Variants in CAMTA1 observed in about 807,000 individuals in gnomAD.
CAMTA1 encodes the protein calmodulin-binding transcription activator 1.
CAMTA1 carries 27 observed loss-of-function variants against 170.9 expected under a neutral mutation model. The observed-to-expected ratio is 0.16, with a 90% CI of 0.12 to 0.22. The LOEUF (loss-of-function observed/expected upper bound fraction) is 0.22. CAMTA1 is among the 10% of genes least tolerant of loss of function. CAMTA1 has a pLI of 1.00. For missense variants in CAMTA1, 1,619 were observed against 2,217.2 expected, an observed-to-expected ratio of 0.73 and a Z score of 5.42; for synonymous variants, 833 against 891.5, an observed-to-expected ratio of 0.93 and a Z score of 1.17.
intron 3 of CAMTA1, among the ~76,000 whole-genome samples, chr1:7,040,918 T>G (rs1704348961): frequency 6.6e-6 from 1 of 152,110 alleles, no homozygotes; most frequent in African/African-American, 2.4e-5. Flanking sequence ...GAGACTGGGT[T>G]TCACCATGTT....
chr1:7,245,213 A>C (rs1281098599), intron 4 of CAMTA1, among the ~76,000 whole-genome samples: 1 of 150,934 alleles, frequency 6.6e-6, no homozygotes, highest in African/African-American at 2.4e-5. Flanking sequence ...ATATATATAT[A>C]TATCACACAC....
intron 12 of CAMTA1, among the ~76,000 whole-genome samples, chr1:7,735,625 G>T (rs3135419): frequency 6.6e-6 from 1 of 151,958 alleles, no homozygotes; most frequent in African/African-American, 2.4e-5. Context: ...AAGACGAATC[G>T]GCATGAAGTT....
chr1:7,337,572 C>T (rs2083473388), intron 5 of CAMTA1, among the ~76,000 whole-genome samples: 1 of 151,518 alleles, frequency 6.6e-6, no homozygotes, highest in South Asian at 2.1e-4. Flanking sequence ...GGGCAGTGGG[C>T]CTCATCCAAT....
At chr1:7,434,877 CAAA>C (rs779722434) in intron 5 of CAMTA1, among the ~76,000 whole-genome samples, 2 of 83,458 alleles carry the variant, frequency 2.4e-5, no homozygotes. Flanking sequence ...CCTGTCTCTA[CAAA>C]AAAAAAAAAA....
chr1:7,618,218 A>G (rs1489610699), intron 6 of CAMTA1, among the ~76,000 whole-genome samples: 2 of 152,044 alleles, frequency 1.3e-5, no homozygotes, highest in East Asian at 3.9e-4. Context: ...CCATCTCCAT[A>G]TCTCTAGTGC....
At chr1:7,057,072 G>A (rs1707447006) in intron 3 of CAMTA1, among the ~76,000 whole-genome samples, 3 of 152,212 alleles carry the variant, frequency 2.0e-5, no homozygotes, top group African/African-American at 7.2e-5. Flanking sequence ...CTTCTCTCGG[G>A]TGGGGAGGAA....
intron 3 of CAMTA1, among the ~76,000 whole-genome samples, chr1:6,883,100 G>T (rs1672067699): frequency 6.6e-6 from 1 of 151,978 alleles, no homozygotes; most frequent in Non-Finnish European, 1.5e-5. Context: ...TGCTGGGTTG[G>T]CCAGGCTGGT....
chr1:6,879,787 AT>A lies in CAMTA1; in HGVS notation c.234+54595del, dbSNP rs760715822. Among the ~76,000 whole-genome samples, 929 of 129,992 alleles carry A rather than the reference AT, an allele frequency of 7.1e-3. 1 individual carries two copies. The highest frequency in any genetic ancestry group is 0.013 in the African/African-American group (467 of 35,564). The allele number at this position is 129,992 out of a possible 152,430, so 85.3% of individuals were successfully genotyped here. Reference sequence around the variant, plus strand: ...GGGACTACCTTTGCTGCTGCGCCTAATTTTTTTTTTTTTTTTTTGGCTTTGT... The same window carrying A: ...GGGACTACCTTTGCTGCTGCGCCTAATTTTTTTTTTTTTTTTTGGCTTTGT... On this transcript the variant is annotated intron_variant, in intron 3 of 22. Transcript: ENST00000303635.
intron 3 of CAMTA1, among the ~76,000 whole-genome samples, chr1:7,018,444 C>T (rs546339407): frequency 6.6e-6 from 1 of 152,170 alleles, no homozygotes; most frequent in Admixed American, 6.5e-5. Flanking sequence ...ATCATCTTTA[C>T]CCCCAGAAAG....
chr1:7,539,940 T>C (rs2094590112), intron 6 of CAMTA1, among the ~76,000 whole-genome samples: 1 of 152,218 alleles, frequency 6.6e-6, no homozygotes, highest in African/African-American at 2.4e-5. Context: ...CCCTTACTTT[T>C]GCATGGATCA....
chr1:7,703,051 A>C (rs1035910072), intron 11 of CAMTA1, among the ~76,000 whole-genome samples: 2 of 152,148 alleles, frequency 1.3e-5, no homozygotes, highest in Non-Finnish European at 2.9e-5. Context: ...TCCCGAGCCT[A>C]TGTGTCCCTG....
intron 3 of CAMTA1, among the ~76,000 whole-genome samples, chr1:6,902,099 G>A (rs982188420): frequency 3.2e-5 from 4 of 126,234 alleles, no homozygotes; most frequent in South Asian, 2.5e-4. Context: ...ATAAAAACTC[G>A]TACTGGCTTT....
intron 3 of CAMTA1, among the ~76,000 whole-genome samples, chr1:6,845,009 T>G (rs938735890): frequency 2.0e-5 from 3 of 151,796 alleles, no homozygotes; most frequent in African/African-American, 4.8e-5. Context: ...GCTGGAAAAA[T>G]GACAGTCTGG....
chr1:6,805,351 CT>C (rs1045041801), intron 1 of CAMTA1, among the ~76,000 whole-genome samples: 2 of 152,194 alleles, frequency 1.3e-5, no homozygotes, highest in African/African-American at 4.8e-5. Context: ...TTCAAATCCT[CT>C]TCCATTTTTG....
chr1:6,821,795 A>G (rs1478694007), intron 2 of CAMTA1, among the ~76,000 whole-genome samples: 1 of 152,192 alleles, frequency 6.6e-6, no homozygotes, highest in Non-Finnish European at 1.5e-5. Flanking sequence ...GGATTTGGCA[A>G]TGTGAATCTC....
chr1:7,392,301 G>A (rs2088807296), intron 5 of CAMTA1, among the ~76,000 whole-genome samples: 1 of 145,836 alleles, frequency 6.9e-6, no homozygotes, highest in East Asian at 2.2e-4. Context: ...TGTTACCCAG[G>A]CTGGAACGCA....
At chr1:7,522,928 G>A (rs2094384999) in intron 6 of CAMTA1, among the ~76,000 whole-genome samples, 2 of 152,196 alleles carry the variant, frequency 1.3e-5, no homozygotes, top group Admixed American at 1.3e-4. Context: ...GTGCAGTGGT[G>A]CAGTCTCAGC....
At chr1:7,541,972 GTTACACCCCAACAC>G (rs2094617676) in intron 6 of CAMTA1, among the ~76,000 whole-genome samples, 2 of 152,184 alleles carry the variant, frequency 1.3e-5, no homozygotes, top group Non-Finnish European at 2.9e-5. Context: ...AGAACCAAGC[GTTACACCCCAACAC>G]AGGATGTGTG....
intron 3 of CAMTA1, among the ~76,000 whole-genome samples, chr1:6,920,819 A>T (rs1377560937): frequency 6.6e-6 from 1 of 152,166 alleles, no homozygotes. Context: ...TCATGGCTGG[A>T]GCAACTGGGA....
Sources: allele counts gnomAD v4.1 joint callset (sites outside exome capture counted in the v4.1 genomes callset), GRCh38; gene constraint gnomAD v4.1.1; transcripts MANE v1.5; gene names NCBI Gene and HGNC (gene_info 2026-07-23, HGNC 2026-07-21).